RFXANK: variants seen among roughly 807,000 people sequenced by gnomAD.
RFXANK encodes regulatory factor X associated ankyrin containing protein.
A neutral mutation model predicts 34.5 loss-of-function variants in RFXANK; 19 were observed. The observed-to-expected ratio is 0.55, with a 90% CI of 0.38 to 0.81. The LOEUF is 0.81. Among genes scored for constraint, RFXANK ranks in the 30% least tolerant of loss-of-function variants. The pLI is 0.00. For missense variants in RFXANK, 295 were observed against 343.5 expected, an observed-to-expected ratio of 0.86 and a Z score of 1.12; for synonymous variants, 154 against 149.8, an observed-to-expected ratio of 1.03 and a Z score of -0.20.
chr19:19,198,253 A>G, intron 7 of RFXANK, 21 bp downstream of exon 7: 4 of 1,613,972 alleles, frequency 2.5e-6, no homozygotes, highest in Non-Finnish European at 3.4e-6. Flanking sequence ...GCCCATCCCC[A>G]GGACCTCTCA....
At chr19:19,200,051 G>A (rs1204184193) in intron 9 of RFXANK, among the ~76,000 whole-genome samples, 2 of 152,002 alleles carry the variant, frequency 1.3e-5, no homozygotes, top group East Asian at 3.9e-4. Context: ...CTGGAATGAA[G>A]TGGTGCAGGC....
chr19:19,198,401 T>C (rs1453384900), intron 7 of RFXANK, among the ~76,000 whole-genome samples, 169 bp downstream of exon 7: 1 of 152,054 alleles, frequency 6.6e-6, no homozygotes, highest in African/African-American at 2.4e-5. Context: ...AAGGCAGACA[T>C]GGAAACAGGC....
intron 8 of RFXANK, 116 bp downstream of exon 8, chr19:19,198,839 C>T (rs1269508523): frequency 1.9e-6 from 2 of 1,029,194 alleles, no homozygotes; most frequent in Non-Finnish European, 3.0e-6. Context: ...AGCAGGTAGT[C>T]CCTGCCTGCT....
At chr19:19,193,588 G>T (rs2060536935) in intron 2 of RFXANK, among the ~76,000 whole-genome samples, 2 of 151,946 alleles carry the variant, frequency 1.3e-5, no homozygotes, top group Non-Finnish European at 2.9e-5. Context: ...GCTAATTTTT[G>T]TATTTTTAGT....
Position 19,197,563 on chromosome 19 carries a change from C to T in RFXANK, c.380C>T (p.Pro127Leu), listed in dbSNP as rs2060623200. Residue 127 changes from proline (P) to leucine (L), a missense_variant, in exon 6 of 10, where the codon CCC (proline) becomes CTC (leucine). Transcript: ENST00000303088. ...AAGCCAGACGAGCGCGGCTTCACCCCCCTCATCTGGGCCTCCGCCTTTGGA... is the reference window on the plus strand; with the variant it reads ...AAGCCAGACGAGCGCGGCTTCACCCTCCTCATCTGGGCCTCCGCCTTTGGA... ...VNKPDERGFT[P>L]LIWASAFGEI... 2 of 1,613,826 alleles carry T rather than the reference C, an allele frequency of 1.2e-6. No homozygotes were observed. The highest frequency in any genetic ancestry group is 1.7e-6 in the Non-Finnish European group (2 of 1,180,036).
intron 9 of RFXANK, among the ~76,000 whole-genome samples, chr19:19,200,256 C>CA (rs1164581581): frequency 1.3e-5 from 2 of 150,288 alleles, no homozygotes; most frequent in African/African-American, 4.9e-5. Flanking sequence ...CGGCTCACTG[C>CA]AACTTCCACC....
rs904623205 is a variant in RFXANK, at chr19:19,199,990, G to A, written c.712+756G>A. On this transcript the variant is annotated intron_variant, in intron 9 of 9. Transcript: ENST00000303088. ...ATTCCTCTTCCCTCCTCATGTTTTC[G>A]GGGGGTTTGTTTTTTTGTTCGAGGC... Among the ~76,000 whole-genome samples, 9 of 151,860 alleles carry A rather than the reference G, an allele frequency of 5.9e-5. No individual in the cohort carries two copies. The South Asian group carries it at 6.2e-4, about 11-fold the overall frequency.
At position 19,198,379 on chromosome 19, in the gene RFXANK, C is replaced by G; in HGVS notation, c.564+147C>G. 3.8e-6 allele frequency: 5 copies of G among 1,312,958 alleles called. No individual in the cohort carries two copies. In the South Asian group the frequency reaches 5.0e-5, roughly 13 times the overall value. The allele number at this position is 1,312,958 out of a possible 1,614,324, so 81.3% of individuals were successfully genotyped here. A position where few individuals can be genotyped will look rare whatever the true frequency, so the allele number is the denominator to read the frequency against. ...ATTCCCAGCCTCACAGAGCAGAGCT[C>G]CCCATGCAGGGAAGGCAGACATGGA... On this transcript the variant is annotated intron_variant, in intron 7 of 9. Coordinates refer to ENST00000303088, the MANE Select transcript of RFXANK (RefSeq NM_003721.4).
At chr19:19,200,265 C>T (rs950117699) in intron 9 of RFXANK, among the ~76,000 whole-genome samples, 2 of 150,760 alleles carry the variant, frequency 1.3e-5, no homozygotes, top group South Asian at 2.1e-4. Flanking sequence ...GCAACTTCCA[C>T]CTCCCAGGTT....
In RFXANK at chr19:19,199,220, T is replaced by C; in HGVS notation, c.698T>C (p.Leu233Pro). 1 of 1,614,076 alleles carries C rather than the reference T, an allele frequency of 6.2e-7. No individual in the cohort carries two copies. Among genetic ancestry groups the C allele is most frequent in the South Asian group, 1.1e-5 (1 of 91,080 alleles). ...GYTPMDLAVA[L>P]GYRKVQQVIE... ...ACCCCGATGGACCTTGCCGTGGCCC[T>C]GGGATACCGGAAAGGTCAGCCTGAG... is the stretch of plus-strand genomic sequence containing the variant. The change falls in exon 9 of 10, where the codon CTG (leucine) becomes CCG (proline). Residue 233 changes from leucine to proline, a missense_variant. Physicochemically the swap from Leu to Pro is moderately conservative, Grantham distance 98. Coordinates refer to ENST00000303088, the MANE Select transcript of RFXANK (RefSeq NM_003721.4).
chr19:19,201,790 G>T lies in RFXANK; in HGVS notation c.*71G>T. 2 of 1,613,162 alleles carry T rather than the reference G, an allele frequency of 1.2e-6. No homozygotes were observed. The highest frequency in any genetic ancestry group is 2.2e-5 in the South Asian group (2 of 90,990). ...GCCAGAGCTGGGGAAACCCAGAACT[G>T]ACTTCAAAGGCAGCTTCTGGACAGG... On this transcript the variant is annotated 3_prime_UTR_variant, in exon 10 of 10. Coordinates refer to ENST00000303088, the MANE Select transcript of RFXANK (RefSeq NM_003721.4).
In RFXANK at chr19:19,198,699, G is replaced by A. The variant is rs762928386; in HGVS notation, c.607G>A (p.Val203Met). 7.4e-6 allele frequency: 12 copies of A among 1,613,878 alleles called. No individual in the cohort carries two copies. The African/African-American group carries it at 8.0e-5, about 11-fold the overall frequency. Residue 203 changes from valine (V) to methionine (M), a missense_variant, in exon 8 of 10, where the codon GTG becomes ATG. Transcript: ENST00000303088. ...GCTGTACGCTGTGCGCGGGAACCAC[G>A]TGAAATGCGTTGAGGCCTTGCTGGG... Reference protein sequence around the residue: ...PLLYAVRGNHVKCVEALLARG... With the variant: ...PLLYAVRGNHMKCVEALLARG...
At position 19,199,328 on chromosome 19, in the gene RFXANK, G is replaced by A. The variant is rs575005022; in HGVS notation, c.712+94G>A. 1.3e-4 allele frequency: 155 copies of A among 1,203,836 alleles called. 2 individuals are homozygous for A. The Admixed American group carries it at 2.4e-3, about 18-fold the overall frequency. The allele number at this position is 1,203,836 out of a possible 1,614,324, so 74.6% of individuals were successfully genotyped here. A position where few individuals can be genotyped will look rare whatever the true frequency, so the allele number is the denominator to read the frequency against. On this transcript the variant is annotated intron_variant, in intron 9 of 9. Coordinates refer to ENST00000303088, the MANE Select transcript of RFXANK (RefSeq NM_003721.4). ...TGGGACACCCCTTCAGTGGTCATAC[G>A]CCGGCAGCGAGAGTGTGTTGACAGG...
intron 3 of RFXANK, among the ~76,000 whole-genome samples, chr19:19,195,580 A>G (rs1291155044): frequency 6.6e-6 from 1 of 150,760 alleles, no homozygotes; most frequent in Admixed American, 6.7e-5. Context: ...CTGGGATTAC[A>G]GGCGTGAGCC....
intron 1 of RFXANK, 104 bp downstream of exon 1, chr19:19,192,658 T>G (rs2146448990): frequency 6.5e-6 from 1 of 154,424 alleles, no homozygotes; most frequent in Admixed American, 6.5e-5. Context: ...ATTGGCTCCC[T>G]CTGGAAAAAT....
At chr19:19,195,151 C>T (rs1369301192) in intron 3 of RFXANK, among the ~76,000 whole-genome samples, 1 of 150,002 alleles carries the variant, frequency 6.7e-6, no homozygotes, top group African/African-American at 2.5e-5. Context: ...CTCCACCTCC[C>T]GTGTTCACGC....
chr19:19,195,652 G>T (rs1404334012), intron 3 of RFXANK, among the ~76,000 whole-genome samples: 1 of 145,044 alleles, frequency 6.9e-6, no homozygotes, highest in Non-Finnish European at 1.5e-5. Context: ...GTGTCACCTT[G>T]GGGAGGCCCT....
chr19:19,194,896 A>G (rs753980457), intron 3 of RFXANK, among the ~76,000 whole-genome samples: 5 of 151,966 alleles, frequency 3.3e-5, no homozygotes, highest in Non-Finnish European at 7.4e-5. Flanking sequence ...GGAACTGAGG[A>G]TTTATTTTTG....
chr19:19,193,438 A>C (rs1484465406), intron 2 of RFXANK, among the ~76,000 whole-genome samples: 1 of 74,044 alleles, frequency 1.4e-5, no homozygotes, highest in Admixed American at 2.1e-4. Context: ...TTTTTTTTTG[A>C]GACAGAGTCT....
Sources: allele counts gnomAD v4.1 joint callset (sites outside exome capture counted in the v4.1 genomes callset), GRCh38; gene constraint gnomAD v4.1.1; transcripts MANE v1.5; gene names NCBI Gene and HGNC (gene_info 2026-07-23, HGNC 2026-07-21).